Variants in MAPK10 observed in about 807,000 individuals in gnomAD.
The protein encoded by MAPK10 is JNK3 alpha protein kinase.
In MAPK10, 25 loss-of-function variants were observed where a neutral mutation model predicts 59.3. The ratio of observed to expected loss-of-function variants is 0.42; its 90% CI spans 0.31 to 0.59. The LOEUF (loss-of-function observed/expected upper bound fraction) is 0.59. MAPK10 is among the 20% of genes least tolerant of loss of function. MAPK10 has a pLI of 0.15. For missense variants in MAPK10, 351 were observed against 568.9 expected (o/e 0.62, Z 3.90); for synonymous variants, 190 against 200.5 (o/e 0.95, Z 0.44).
At chr4:86,062,262 C>T (rs1408870396) in intron 11 of MAPK10, among the ~76,000 whole-genome samples, 3 of 152,100 alleles carry the variant, frequency 2.0e-5, no homozygotes, top group African/African-American at 7.2e-5. Flanking sequence ...TCTGGAACTG[C>T]AGGCTCTATC....
intron 2 of MAPK10, among the ~76,000 whole-genome samples, chr4:86,228,838 C>T (rs2091095087): frequency 6.6e-6 from 1 of 152,118 alleles, no homozygotes; most frequent in South Asian, 2.1e-4. Context: ...CTCAGTCTAG[C>T]TTCATGTCTT....
intron 1 of MAPK10, among the ~76,000 whole-genome samples, chr4:86,485,646 G>A (rs1192491093): frequency 6.6e-6 from 1 of 152,202 alleles, no homozygotes; most frequent in Non-Finnish European, 1.5e-5. Context: ...AAGCTGGAAA[G>A]ACAGTAGATG....
chr4:86,480,702 G>C (rs984768331), intron 1 of MAPK10, among the ~76,000 whole-genome samples: 4 of 152,202 alleles, frequency 2.6e-5, no homozygotes, highest in Admixed American at 2.0e-4. Flanking sequence ...TGAGGCTGTA[G>C]GAGTGGAAAA....
chr4:86,228,483 C>T (rs1168407816), intron 2 of MAPK10, among the ~76,000 whole-genome samples: 1 of 152,166 alleles, frequency 6.6e-6, no homozygotes, highest in Non-Finnish European at 1.5e-5. Context: ...CCATATACTT[C>T]TACTTTTTAA....
Position 86,249,338 on chromosome 4 carries a change from G to A in MAPK10, c.-6-54931C>T, listed in dbSNP as rs373458120. ...CCAGTGTCTATGATTCTCCTGTGCA[G>A]ATTCCTTCATCATCACAAGGCGGTT... On this transcript the variant is annotated intron_variant, in intron 2 of 13. Transcript: ENST00000641462. Among the ~76,000 whole-genome samples the A allele has an allele frequency of 1.2e-4, 18 of 152,300 alleles. No individual in the cohort carries two copies. In the East Asian group the frequency reaches 3.1e-3, roughly 26 times the overall value.
At chr4:86,512,173 C>T (rs943383630) in intron 1 of MAPK10, among the ~76,000 whole-genome samples, 1 of 152,004 alleles carries the variant, frequency 6.6e-6, no homozygotes, top group South Asian at 2.1e-4. Flanking sequence ...TAAAGCAATA[C>T]GGTAAAGCAT....
At chr4:86,566,280 G>A (rs1309315415) in intron 1 of MAPK10, among the ~76,000 whole-genome samples, 9 of 152,098 alleles carry the variant, frequency 5.9e-5, no homozygotes, top group African/African-American at 1.9e-4. Flanking sequence ...TACTACCCCT[G>A]ATAATAATGT....
In MAPK10 at chr4:86,359,940, A is replaced by G. The variant is rs1736546241; in HGVS notation, c.-404T>C. Reference sequence around the variant, plus strand: ...TATAGCAAGCACCACCCACCCCCATAAAAATAAAAAGTGAAGGGGAGGTTA... The same window carrying G: ...TATAGCAAGCACCACCCACCCCCATGAAAATAAAAAGTGAAGGGGAGGTTA... On this transcript the variant is annotated 5_prime_UTR_variant, in exon 1 of 14. Transcript: ENST00000641462. The G allele has an allele frequency of 1.0e-6, 1 of 985,708 alleles. No homozygotes were observed. The highest frequency in any genetic ancestry group is 4.7e-5 in the South Asian group (1 of 21,288). The allele number at this position is 985,708 out of a possible 1,614,324, so 61.1% of individuals were successfully genotyped here. A position where few individuals can be genotyped will look rare whatever the true frequency, so the allele number is the denominator to read the frequency against.
chr4:86,341,901 G>A (rs1052263913), intron 2 of MAPK10, among the ~76,000 whole-genome samples: 4 of 151,580 alleles, frequency 2.6e-5, no homozygotes, highest in African/African-American at 7.3e-5. Context: ...TAACCTTATG[G>A]GAAAGCACCA....
intron 1 of MAPK10, among the ~76,000 whole-genome samples, chr4:86,508,634 G>A (rs1246507793): frequency 3.3e-5 from 5 of 152,100 alleles, no homozygotes; most frequent in African/African-American, 7.2e-5. Flanking sequence ...ATTTTGGTTA[G>A]GTTATGTGTG....
chr4:86,386,027 T>C (rs1210449122), intron 1 of MAPK10, among the ~76,000 whole-genome samples: 1 of 152,198 alleles, frequency 6.6e-6, no homozygotes, highest in African/African-American at 2.4e-5. Context: ...TCGTCCAAGA[T>C]CTGCCCCCTG....
intron 1 of MAPK10, among the ~76,000 whole-genome samples, chr4:86,571,794 G>T (rs766069696): frequency 1.3e-5 from 2 of 152,064 alleles, no homozygotes; most frequent in Non-Finnish European, 2.9e-5. Context: ...GTAAATGTAT[G>T]TGTAATTTAT....
At chr4:86,070,954 G>A (rs887690663) in intron 9 of MAPK10, among the ~76,000 whole-genome samples, 1 of 152,044 alleles carries the variant, frequency 6.6e-6, no homozygotes, top group East Asian at 1.9e-4. Flanking sequence ...CTAGATCCCT[G>A]AGGAATCGCC....
At chr4:86,414,439 C>T (rs1460947270) in intron 1 of MAPK10, among the ~76,000 whole-genome samples, 1 of 152,142 alleles carries the variant, frequency 6.6e-6, no homozygotes, top group African/African-American at 2.4e-5. Context: ...TCCTGGCACA[C>T]CAATCTCTAC....
chr4:86,419,144 GAAATA>G (rs1746197647), intron 1 of MAPK10, among the ~76,000 whole-genome samples: 1 of 152,048 alleles, frequency 6.6e-6, no homozygotes, highest in South Asian at 2.1e-4. Context: ...AAAAACTATT[GAAATA>G]AAATAAATGT....
intron 2 of MAPK10, among the ~76,000 whole-genome samples, chr4:86,331,203 A>G (rs1303548566): frequency 2.6e-5 from 4 of 152,170 alleles, no homozygotes; most frequent in Admixed American, 2.6e-4. Flanking sequence ...AACCACCAGG[A>G]AAGTTCTTAA....
intron 1 of MAPK10, among the ~76,000 whole-genome samples, chr4:86,430,123 A>G (rs897766558): frequency 6.6e-6 from 1 of 152,178 alleles, no homozygotes; most frequent in African/African-American, 2.4e-5. Context: ...TGATGAAAGA[A>G]TGCACTCCAT....
At chr4:86,333,870 T>G (rs1054917490) in intron 2 of MAPK10, among the ~76,000 whole-genome samples, 2 of 152,152 alleles carry the variant, frequency 1.3e-5, no homozygotes, top group African/African-American at 4.8e-5. Context: ...ACATAGTAAG[T>G]GTCATATATG....
At chr4:86,353,095 C>T (rs1316751787) in intron 2 of MAPK10, among the ~76,000 whole-genome samples, 1 of 152,146 alleles carries the variant, frequency 6.6e-6, no homozygotes, top group Non-Finnish European at 1.5e-5. Context: ...CAAAAGATCC[C>T]TTCCTCTGGG....
Sources: allele counts gnomAD v4.1 joint callset (sites outside exome capture counted in the v4.1 genomes callset), GRCh38; gene constraint gnomAD v4.1.1; transcripts MANE v1.5; gene names NCBI Gene and HGNC (gene_info 2026-07-23, HGNC 2026-07-21).